Variants in NALCN observed in about 807,000 individuals in gnomAD.
NALCN encodes the protein sodium leak channel, non-selective.
In NALCN, 111 loss-of-function variants were observed where a neutral mutation model predicts 225.3. The ratio of observed to expected loss-of-function variants is 0.49; its 90% CI spans 0.42 to 0.58. NALCN has a LOEUF of 0.58. NALCN is among the 20% of genes least tolerant of loss of function. NALCN has a pLI of 0.00. For missense variants in NALCN, 1,378 were observed against 2,202.4 expected (o/e 0.63, Z 7.49); for synonymous variants, 764 against 769.0 (o/e 0.99, Z 0.11).
chr13:101,178,366 T>C (rs2039049885), intron 14 of NALCN, among the ~76,000 whole-genome samples: 1 of 151,914 alleles, frequency 6.6e-6, no homozygotes, highest in South Asian at 2.1e-4. Context: ...AAAAGGGGGG[T>C]CGGAAGGGAT....
At chr13:101,210,474 C>A (rs1333750) in intron 13 of NALCN, among the ~76,000 whole-genome samples, 79,030 of 151,852 alleles carry the variant, frequency 0.52, 20,794 homozygotes, top group Non-Finnish European at 0.56. Context: ...AAGCTATTTC[C>A]GCGTCTGGAA....
In NALCN at chr13:101,073,671, T is replaced by C. The variant is rs1178689771; in HGVS notation, c.4110A>G (p.Ala1370=). 1 of 1,612,406 alleles carries C rather than the reference T, an allele frequency of 6.2e-7. No homozygotes were observed. Among genetic ancestry groups the C allele is most frequent in the Non-Finnish European group, 8.5e-7 (1 of 1,179,556 alleles). Residue 1370 remains alanine, a synonymous_variant, in exon 37 of 44, where the codon GCA becomes GCG. Transcript: ENST00000251127. ...TAGCTTTTCCAGCCGAAGAAAAATT[T>C]GCATGCCTAATTTAAGAAAAAAAAA... ...VKYGENINRH[A]NFSSAGKAIT...
chr13:101,074,720 C>CAG (rs71200721), intron 35 of NALCN, 58 bp from the exon 36 acceptor site: 23,268 of 1,339,516 alleles, frequency 0.017, 34 homozygotes, highest in South Asian at 0.026. Flanking sequence ...GAGACAGAGA[C>CAG]AGAGAGAGAG....
At chr13:101,350,069 T>G (rs924778407) in intron 6 of NALCN, among the ~76,000 whole-genome samples, 1 of 152,130 alleles carries the variant, frequency 6.6e-6, no homozygotes, top group Non-Finnish European at 1.5e-5. Flanking sequence ...TCTCCCTCTC[T>G]ACACACACTC....
intron 3 of NALCN, among the ~76,000 whole-genome samples, chr13:101,386,843 A>C (rs1475360593): frequency 2.1e-5 from 3 of 145,832 alleles, no homozygotes; most frequent in Non-Finnish European, 4.5e-5. Flanking sequence ...TGTGCATGAC[A>C]GCTGGGCAAA....
intron 14 of NALCN, among the ~76,000 whole-genome samples, chr13:101,191,366 T>C (rs1003985223): frequency 3.9e-5 from 6 of 152,238 alleles, no homozygotes; most frequent in African/African-American, 1.4e-4. Context: ...TACTGGACTT[T>C]GGTATTCAGT....
intron 1 of NALCN, among the ~76,000 whole-genome samples, chr13:101,401,913 T>A (rs1398341345): frequency 6.6e-6 from 1 of 152,242 alleles, no homozygotes; most frequent in Non-Finnish European, 1.5e-5. Flanking sequence ...AAATTTAAGT[T>A]ACAAACACAT....
intron 4 of NALCN, among the ~76,000 whole-genome samples, chr13:101,377,725 C>T (rs1055602321): frequency 1.3e-5 from 2 of 152,060 alleles, no homozygotes; most frequent in Non-Finnish European, 2.9e-5. Flanking sequence ...ACTCTAGAGA[C>T]CTGTACAACA....
intron 3 of NALCN, among the ~76,000 whole-genome samples, chr13:101,389,365 G>A (rs979440739): frequency 6.6e-6 from 1 of 152,096 alleles, no homozygotes; most frequent in African/African-American, 2.4e-5. Context: ...TAAAACAAAG[G>A]AACAAAACAA....
At chr13:101,113,339 C>T (rs1177597534) in intron 18 of NALCN, among the ~76,000 whole-genome samples, 1 of 152,140 alleles carries the variant, frequency 6.6e-6, no homozygotes, top group Non-Finnish European at 1.5e-5. Context: ...CTAGAGCTCA[C>T]CTGGACATTG....
Position 101,068,741 on chromosome 13 carries a change from A to T in NALCN, c.4284T>A (p.Cys1428Ter), listed in dbSNP as rs1321901326. The change falls in exon 38 of 44, where the codon TGT becomes TGA. Residue 1428 changes from cysteine to a stop codon, truncating the protein, a stop_gained. Transcript: ENST00000251127. LOFTEE classifies it high-confidence loss of function. ...TGTAGGCAATGATGACATAAAATGA[A>T]CAGAAATACATAAGTGCCCCAGCAT... is the stretch of plus-strand genomic sequence containing the variant. ...GNYAGALMYF[C>*]SFYVIIAYIM... is the part of the protein sequence containing the mutation. 3 of 1,612,014 alleles carry T rather than the reference A, an allele frequency of 1.9e-6. No individual in the cohort carries two copies.
rs999339995 is a variant in NALCN at position 101,110,522 on chromosome 13, G to A, written c.2364+97C>T. On this transcript the variant is annotated intron_variant, in intron 20 of 43. Coordinates refer to ENST00000251127, the MANE Select transcript of NALCN (RefSeq NM_052867.4). The stretch of plus-strand genomic sequence containing the variant: ...GGTATGAAGTCTTAAGGAGACATGG[G>A]AATGCAGCAGAAAGACACTGGGCAT... The A allele has an allele frequency of 7.8e-6, 10 of 1,285,820 alleles. No individual in the cohort carries two copies. The African/African-American group carries it at 1.5e-4, about 19-fold the overall frequency. The allele number at this position is 1,285,820 out of a possible 1,614,324, so 79.7% of individuals were successfully genotyped here. A position where few individuals can be genotyped will look rare whatever the true frequency, so the allele number is the denominator to read the frequency against.
chr13:101,321,376 C>T (rs1023497769), intron 7 of NALCN, among the ~76,000 whole-genome samples: 2 of 152,104 alleles, frequency 1.3e-5, no homozygotes, highest in Admixed American at 6.6e-5. Flanking sequence ...ATAACCTCAT[C>T]AGTTACTATA....
chr13:101,059,917 C>T lies in NALCN; in HGVS notation c.4806G>A (p.Gln1602=). The change falls in exon 42 of 44, where the codon CAG becomes CAA. Residue 1602 remains glutamine (Q), a synonymous_variant. Coordinates refer to ENST00000251127, the MANE Select transcript of NALCN (RefSeq NM_052867.4). ...GGTTCAGAAACCGGCTCAGCTCTTG[C>T]TGCTGACTCTCTCTCAGGCTGTGGA... ...SIIHSLRESQ[Q]QELSRFLNPP... The T allele has an allele frequency of 6.2e-7, 1 of 1,614,094 alleles. No homozygotes were observed.
intron 27 of NALCN, among the ~76,000 whole-genome samples, chr13:101,099,353 A>G (rs1428733730): frequency 6.6e-6 from 1 of 152,086 alleles, no homozygotes; most frequent in Non-Finnish European, 1.5e-5. Context: ...ATAATTTATA[A>G]TGTATTTTGG....
At chr13:101,289,487 A>G (rs2043466501) in intron 9 of NALCN, among the ~76,000 whole-genome samples, 1 of 151,028 alleles carries the variant, frequency 6.6e-6, no homozygotes, top group African/African-American at 2.4e-5. Context: ...TGAGCTGCCT[A>G]ATATAACAGA....
chr13:101,343,724 T>C (rs2139291975), intron 7 of NALCN, among the ~76,000 whole-genome samples: 1 of 152,320 alleles, frequency 6.6e-6, no homozygotes, highest in East Asian at 1.9e-4. Context: ...CTAGAACTGG[T>C]CCTCTCAAGT....
At chr13:101,131,027 C>A (rs2036491978) in intron 17 of NALCN, among the ~76,000 whole-genome samples, 2 of 151,884 alleles carry the variant, frequency 1.3e-5, no homozygotes, top group South Asian at 2.1e-4. Context: ...TTCTTCATTT[C>A]TCTTTGATTT....
chr13:101,066,885 T>C (rs2032436337), intron 39 of NALCN, among the ~76,000 whole-genome samples: 1 of 152,124 alleles, frequency 6.6e-6, no homozygotes, highest in Non-Finnish European at 1.5e-5. Flanking sequence ...GGCAGAACTT[T>C]CCTTGTTGTT....
Sources: gnomAD v4.1 joint callset for allele counts (sites outside exome capture counted in the v4.1 genomes callset) on GRCh38, gnomAD v4.1.1 for gene constraint, MANE v1.5 for transcripts, NCBI Gene and HGNC (gene_info 2026-07-23, HGNC 2026-07-21) for gene names.